The following RBM14 variants were observed in gnomAD, a reference collection of about 807,000 sequenced individuals.
The protein encoded by RBM14 is RNA binding motif protein 14.
RBM14 carries 5 observed loss-of-function variants against 52.8 expected under a neutral mutation model. The observed-to-expected ratio is 0.09, with a 90% CI of 0.05 to 0.20. The LOEUF (loss-of-function observed/expected upper bound fraction) is 0.20. RBM14 is among the 10% of genes least tolerant of loss of function. The pLI, the probability that RBM14 is intolerant of heterozygous loss-of-function variation, is 1.00. For synonymous variants in RBM14, 411 were observed against 401.8 expected (o/e 1.02, Z -0.28); for missense variants, 780 against 926.6 (o/e 0.84, Z 2.05).
Position 66,616,717 on chromosome 11 carries a change from C to T in RBM14, c.-4C>T, listed in dbSNP as rs372288348. ...CTCTCCAGGAAGGTGGCTGCGGCGACAAAATGAAGATATTCGTGGGCAACG... is the reference window on the plus strand; with the variant it reads ...CTCTCCAGGAAGGTGGCTGCGGCGATAAAATGAAGATATTCGTGGGCAACG... On this transcript the variant is annotated 5_prime_UTR_variant, in exon 1 of 3. Coordinates refer to ENST00000310137, the MANE Select transcript of RBM14 (RefSeq NM_006328.4). 8.4e-5 allele frequency: 133 copies of T among 1,588,378 alleles called. No individual in the cohort carries two copies. The highest frequency in any genetic ancestry group is 1.1e-4 in the Non-Finnish European group (127 of 1,161,972).
In RBM14 at chr11:66,624,849, GCTT is replaced by G; in HGVS notation, c.978_980del (p.Ser327del). 2.5e-6 allele frequency: 4 copies of G among 1,613,874 alleles called. No homozygotes were observed. Among genetic ancestry groups the G allele is most frequent in the Non-Finnish European group, 3.4e-6 (4 of 1,179,908 alleles). ...CTCCTATGGGGGTCAGGCAGCTGCA[GCTT>G]CTTCGCTCAACTCCTATGGGGCTCA... On this transcript the variant is annotated inframe_deletion, in exon 2 of 3. Transcript: ENST00000310137. This position sits in a 1 kb window ranked among gnomAD's most constrained non-coding sequence, Gnocchi z 4.7.
chr11:66,622,676 C>G (rs910855746), intron 1 of RBM14, among the ~76,000 whole-genome samples: 3 of 152,172 alleles, frequency 2.0e-5, no homozygotes, highest in African/African-American at 7.2e-5. Flanking sequence ...TATCCTTAGT[C>G]TTGTGTCATT....
At chr11:66,621,636 C>T (rs1477588422) in intron 1 of RBM14, among the ~76,000 whole-genome samples, 1 of 151,898 alleles carries the variant, frequency 6.6e-6, no homozygotes, top group Non-Finnish European at 1.5e-5. Flanking sequence ...CTCGGCCTCC[C>T]CAAAGTGCTG....
At chr11:66,617,875 G>A (rs1858914758) in intron 1 of RBM14, among the ~76,000 whole-genome samples, 1 of 152,148 alleles carries the variant, frequency 6.6e-6, no homozygotes, top group Admixed American at 6.5e-5. Flanking sequence ...TCTTTTATAA[G>A]CTTGGTGACT....
At chr11:66,626,095 G>A (rs546477122) in intron 2 of RBM14, among the ~76,000 whole-genome samples, 2 of 152,360 alleles carry the variant, frequency 1.3e-5, no homozygotes, top group South Asian at 4.1e-4. Flanking sequence ...TTTACGAGGT[G>A]CGTCCACTCT....
At position 66,629,664 on chromosome 11, in the gene RBM14, T is replaced by C. The variant is rs946654808; in HGVS notation, c.*2996T>C. Among the ~76,000 whole-genome samples the C allele has an allele frequency of 6.6e-6, 1 of 152,182 alleles. No homozygotes were observed. Among genetic ancestry groups the C allele is most frequent in the Non-Finnish European group, 1.5e-5 (1 of 68,022 alleles). On this transcript the variant is annotated 3_prime_UTR_variant, in exon 3 of 3. Coordinates refer to ENST00000310137, the MANE Select transcript of RBM14 (RefSeq NM_006328.4). ...ACTATGTAACAGATGGAAAACTGAATTTTACAATCTATAGGTACCTTTGAA... is the reference window on the plus strand; with the variant it reads ...ACTATGTAACAGATGGAAAACTGAACTTTACAATCTATAGGTACCTTTGAA...
intron 1 of RBM14, 30 bp downstream of exon 1, chr11:66,617,087 G>T: frequency 6.4e-7 from 1 of 1,551,606 alleles, no homozygotes; most frequent in South Asian, 1.2e-5. Context: ...GGGGGCGGGG[G>T]CGCGCTCGGG....
At position 66,624,988 on chromosome 11, in the gene RBM14, C is replaced by T. The variant is rs1937719559; in HGVS notation, c.1112C>T (p.Ala371Val). 1 of 1,613,890 alleles carries T rather than the reference C, an allele frequency of 6.2e-7. No individual in the cohort carries two copies. Among genetic ancestry groups the T allele is most frequent in the Non-Finnish European group, 8.5e-7 (1 of 1,179,976 alleles). The part of the protein sequence containing the change: ...AASSYNTQGA[A>V]SSLGSYGAQA... ...TCTTCCTACAACACCCAGGGAGCAG[C>T]TTCCTCCTTAGGCTCCTACGGGGCT... Residue 371 changes from alanine (A) to valine (V), a missense_variant, in exon 2 of 3, where the codon GCT (alanine) becomes GTT (valine). Ala to Val is a moderately conservative substitution (Grantham distance 64). This residue lies in a region of RBM14 where 675 missense variants were observed against 697.3 expected (regional missense o/e 0.97). Transcript: ENST00000310137. The surrounding 1 kb of genome is among the most constrained non-coding windows in gnomAD (Gnocchi z 4.7).
In RBM14 at chr11:66,625,836, C is replaced by CT. The variant is rs1937778175; in HGVS notation, c.1802+161dup. ...GGCCGAGGGGAGCAGTGTCTATGAA[C>CT]TTTCCTGGTCACCAGGGTTCAGGTG... On this transcript the variant is annotated intron_variant, in intron 2 of 2. Coordinates refer to ENST00000310137, the MANE Select transcript of RBM14 (RefSeq NM_006328.4). The surrounding 1 kb of genome is among the most constrained non-coding windows in gnomAD (Gnocchi z 4.2). The CT allele has an allele frequency of 3.1e-6, 2 of 635,554 alleles. No individual in the cohort carries two copies. The highest frequency in any genetic ancestry group is 1.8e-5 in the African/African-American group (1 of 54,436). 39.4% of individuals were successfully genotyped at this position (635,554 alleles called of 1,614,324 possible). A position where few individuals can be genotyped will look rare whatever the true frequency, so the allele number is the denominator to read the frequency against.
At chr11:66,622,287 G>A (rs1000789279) in intron 1 of RBM14, among the ~76,000 whole-genome samples, 3 of 148,934 alleles carry the variant, frequency 2.0e-5, no homozygotes, top group African/African-American at 5.0e-5. Context: ...ACTGGAGTAC[G>A]GTGGTGCCAT....
intron 2 of RBM14, 89 bp from the exon 3 acceptor site, chr11:66,626,368 ACCCT>A (rs1228866040): frequency 4.0e-6 from 5 of 1,259,400 alleles, no homozygotes; most frequent in Non-Finnish European, 5.7e-6. Context: ...CTGTGATCAC[ACCCT>A]CCCTGTCCCC....
chr11:66,618,413 G>A (rs192040012), intron 1 of RBM14: 491 of 693,440 alleles, frequency 7.1e-4, no homozygotes, highest in African/African-American at 6.7e-3. Context: ...TTAAGTGGGG[G>A]AAATATAAAG....
At chr11:66,620,629 T>C (rs1205828805) in intron 1 of RBM14, among the ~76,000 whole-genome samples, 2 of 152,208 alleles carry the variant, frequency 1.3e-5, no homozygotes, top group African/African-American at 2.4e-5. Context: ...TGATCAGTTA[T>C]AAAACTCATT....
At chr11:66,626,367 C>A in intron 2 of RBM14, 94 bp from the exon 3 acceptor site, 1 of 1,253,840 alleles carries the variant, frequency 8.0e-7, no homozygotes, top group Non-Finnish European at 1.1e-6. Context: ...ACTGTGATCA[C>A]ACCCTCCCTG....
At chr11:66,618,232 C>T (rs1590839968) in intron 1 of RBM14, among the ~76,000 whole-genome samples, 1 of 152,160 alleles carries the variant, frequency 6.6e-6, no homozygotes, top group African/African-American at 2.4e-5. Context: ...TTGGAAGATG[C>T]AGCCTGGGAG....
chr11:66,626,241 G>T (rs1937800848), intron 2 of RBM14, among the ~76,000 whole-genome samples: 1 of 152,204 alleles, frequency 6.6e-6, no homozygotes, highest in African/African-American at 2.4e-5. Flanking sequence ...CTAGTTCAGA[G>T]GGGAGGACTT....
At position 66,617,065 on chromosome 11, in the gene RBM14, G is replaced by A. The variant is rs775138623; in HGVS notation, c.337+8G>A. Reference sequence around the variant, plus strand: ...AGTGTGACGTGGTGAAAGGTAACGCGGAGGCGCGCTCGGGGGCGGGGGCGC... The same window carrying A: ...AGTGTGACGTGGTGAAAGGTAACGCAGAGGCGCGCTCGGGGGCGGGGGCGC... On this transcript the variant is annotated splice_region_variant and intron_variant, in intron 1 of 2. Transcript: ENST00000310137. 1.1e-5 allele frequency: 18 copies of A among 1,567,104 alleles called. No individual in the cohort carries two copies. Among genetic ancestry groups the A allele is most frequent in the Non-Finnish European group, 1.4e-5 (16 of 1,154,310 alleles).
chr11:66,618,603 G>A, intron 1 of RBM14: 1 of 716,896 alleles, frequency 1.4e-6, no homozygotes, highest in Non-Finnish European at 2.6e-6. Context: ...AAGAGTGGTG[G>A]GGGAGGGTCT....
intron 1 of RBM14, among the ~76,000 whole-genome samples, chr11:66,618,009 T>C (rs1261543057): frequency 6.6e-6 from 1 of 152,252 alleles, no homozygotes; most frequent in Non-Finnish European, 1.5e-5. Flanking sequence ...AGTCTGATTC[T>C]CAGGGCAGAT....
Sources: gnomAD v4.1 joint callset for allele counts (sites outside exome capture counted in the v4.1 genomes callset) on GRCh38, gnomAD v4.1.1 for gene constraint, gnomAD v4.1.1 regional missense constraint, Gnocchi (gnomAD v3.1) non-coding constraint, MANE v1.5 for transcripts, NCBI Gene and HGNC (gene_info 2026-07-23, HGNC 2026-07-21) for gene names.